IMMP1L: variants seen among roughly 807,000 people sequenced by gnomAD.
The protein encoded by IMMP1L is inner mitochondrial membrane peptidase subunit 1, also known as mitochondrial inner membrane protease subunit 1.
IMMP1L carries 24 observed loss-of-function variants against 21.8 expected under a neutral mutation model. The observed-to-expected ratio is 1.10, with a 90% CI of 0.80 to 1.55. The LOEUF (loss-of-function observed/expected upper bound fraction) is 1.55, where lower values mean the gene tolerates loss of function less well. Ranked by LOEUF, IMMP1L falls within the 40% of genes most tolerant of loss-of-function variation. IMMP1L has a pLI of 0.00. For missense variants in IMMP1L, 195 were observed against 200.7 expected (o/e 0.97, Z 0.17); for synonymous variants, 46 against 62.8 (o/e 0.73, Z 1.26).
chr11:31,434,329 G>T (rs1398554368), intron 4 of IMMP1L, among the ~76,000 whole-genome samples: 1 of 151,724 alleles, frequency 6.6e-6, no homozygotes, highest in Non-Finnish European at 1.5e-5. Context: ...AGAATACATT[G>T]TTTTTTTTAA....
chr11:31,487,408 G>C (rs987732982), intron 1 of IMMP1L, among the ~76,000 whole-genome samples: 4 of 152,052 alleles, frequency 2.6e-5, no homozygotes, highest in Admixed American at 2.0e-4. Flanking sequence ...TTTGAGGCAT[G>C]CTGCATTTCA....
intron 2 of IMMP1L, 62 bp downstream of exon 2, chr11:31,463,110 T>C: frequency 7.4e-7 from 1 of 1,353,582 alleles, no homozygotes; most frequent in Non-Finnish European, 1.0e-6. Context: ...AAAAACACAC[T>C]TTCCTTCCAT....
chr11:31,470,028 A>C (rs1954489636), intron 1 of IMMP1L, among the ~76,000 whole-genome samples: 1 of 152,232 alleles, frequency 6.6e-6, no homozygotes, highest in Non-Finnish European at 1.5e-5. Flanking sequence ...CACTTTTAGA[A>C]AACAAGTTTT....
At chr11:31,452,944 G>A in intron 4 of IMMP1L, 5 of 703,726 alleles carry the variant, frequency 7.1e-6, no homozygotes, top group Non-Finnish European at 1.0e-5. Context: ...CAGAGACAGG[G>A]TTTCACCATG....
intron 4 of IMMP1L, among the ~76,000 whole-genome samples, chr11:31,439,554 C>T (rs1953248669): frequency 6.6e-6 from 1 of 152,078 alleles, no homozygotes; most frequent in South Asian, 2.1e-4. Flanking sequence ...AACTGATTTA[C>T]TTTTGATTAT....
chr11:31,434,396 A>G (rs1487532922), intron 4 of IMMP1L, among the ~76,000 whole-genome samples: 2 of 152,162 alleles, frequency 1.3e-5, no homozygotes, highest in African/African-American at 4.8e-5. Context: ...TAAAAAACTT[A>G]CTTTCCAGCA....
At chr11:31,502,021 C>T (rs1955635349) in intron 1 of IMMP1L, among the ~76,000 whole-genome samples, 1 of 151,264 alleles carries the variant, frequency 6.6e-6, no homozygotes, top group African/African-American at 2.4e-5. Flanking sequence ...TTAATGCATA[C>T]ATCAAAGACC....
chr11:31,450,124 A>G lies in IMMP1L; in HGVS notation c.321+6136T>C, dbSNP rs1329369720. On this transcript the variant is annotated intron_variant, in intron 4 of 5. Transcript: ENST00000532287. ...AGGAGAAATTTATAAACTTCAGGTAACAACTTTACCCATCGTTAAGCCAAT... is the reference window on the plus strand; with the variant it reads ...AGGAGAAATTTATAAACTTCAGGTAGCAACTTTACCCATCGTTAAGCCAAT... 2.0e-5 allele frequency among the ~76,000 whole-genome samples: 3 copies of G among 152,348 alleles called. No homozygotes were observed. In the East Asian group the frequency reaches 5.8e-4, roughly 29 times the overall value.
intron 1 of IMMP1L, among the ~76,000 whole-genome samples, chr11:31,481,624 C>T (rs1449630031): frequency 1.3e-5 from 2 of 151,814 alleles, no homozygotes; most frequent in Non-Finnish European, 2.9e-5. Context: ...CACTTTTCTA[C>T]AACATCATAG....
intron 1 of IMMP1L, among the ~76,000 whole-genome samples, chr11:31,491,458 G>C (rs144592516): frequency 6.6e-6 from 1 of 152,174 alleles, no homozygotes; most frequent in African/African-American, 2.4e-5. Context: ...AGAAAACTTG[G>C]CTGAAATGGG....
At chr11:31,486,847 C>T (rs771239182) in intron 1 of IMMP1L, among the ~76,000 whole-genome samples, 44 of 151,420 alleles carry the variant, frequency 2.9e-4, no homozygotes, top group African/African-American at 4.8e-4. Flanking sequence ...TAAAATGAGG[C>T]GAAAAAAGTA....
chr11:31,464,213 T>C (rs1564985959), intron 1 of IMMP1L, among the ~76,000 whole-genome samples: 1 of 151,918 alleles, frequency 6.6e-6, no homozygotes, highest in Non-Finnish European at 1.5e-5. Context: ...CCATCCTCAA[T>C]TTATAGACAA....
At chr11:31,475,731 T>C (rs1236644710) in intron 1 of IMMP1L, among the ~76,000 whole-genome samples, 2 of 152,202 alleles carry the variant, frequency 1.3e-5, no homozygotes, top group Non-Finnish European at 2.9e-5. Context: ...GATATTAAAA[T>C]TCAAATAACC....
intron 1 of IMMP1L, among the ~76,000 whole-genome samples, chr11:31,486,073 T>C (rs1039259474): frequency 4.6e-5 from 7 of 151,512 alleles, no homozygotes; most frequent in South Asian, 2.1e-4. Flanking sequence ...TTTTTTGTAA[T>C]GACCTCTCCT....
intron 4 of IMMP1L, among the ~76,000 whole-genome samples, chr11:31,434,931 A>T (rs1171521697): frequency 6.6e-6 from 1 of 152,180 alleles, no homozygotes; most frequent in East Asian, 1.9e-4. Context: ...AGACTGCTCT[A>T]GTAGGAAAGT....
At chr11:31,496,789 AATAG>A (rs565675910) in intron 1 of IMMP1L, among the ~76,000 whole-genome samples, 281 of 148,298 alleles carry the variant, frequency 1.9e-3, no homozygotes, top group African/African-American at 6.5e-3. Flanking sequence ...CATATATTAT[AATAG>A]ATAATCCTAT....
chr11:31,450,376 C>T (rs913658910), intron 4 of IMMP1L, among the ~76,000 whole-genome samples: 2 of 149,834 alleles, frequency 1.3e-5, no homozygotes, highest in African/African-American at 5.0e-5. Flanking sequence ...GCCCAGCATA[C>T]CTCAATTCCC....
intron 2 of IMMP1L, among the ~76,000 whole-genome samples, chr11:31,462,920 C>T (rs1465046629): frequency 6.6e-6 from 1 of 152,102 alleles, no homozygotes; most frequent in African/African-American, 2.4e-5. Context: ...TTATACTATT[C>T]AAAAGGACCC....
At chr11:31,449,175 G>A (rs1953652092) in intron 4 of IMMP1L, 1 of 655,440 alleles carries the variant, frequency 1.5e-6, no homozygotes, top group Non-Finnish European at 1.9e-6. Context: ...AATGACATAA[G>A]GATTTAGTAT....
Sources: gnomAD v4.1 joint callset for allele counts (sites outside exome capture counted in the v4.1 genomes callset) on GRCh38, gnomAD v4.1.1 for gene constraint, MANE v1.5 for transcripts, NCBI Gene and HGNC (gene_info 2026-07-23, HGNC 2026-07-21) for gene names.